Variants in PRKD1 observed in about 807,000 individuals in gnomAD.
PRKD1 encodes serine/threonine-protein kinase D1.
In PRKD1, 63 loss-of-function variants were observed where a neutral mutation model predicts 95.9. That is an observed-to-expected ratio of 0.66 (90% CI 0.54 to 0.81). PRKD1 has a LOEUF of 0.81. PRKD1 is among the 30% of genes least tolerant of loss of function. PRKD1 has a pLI of 0.00. For synonymous variants in PRKD1, 425 were observed against 423.1 expected, an observed-to-expected ratio of 1.00 and a Z score of -0.05; for missense variants, 1,048 against 1,165.3, an observed-to-expected ratio of 0.90 and a Z score of 1.47.
At chr14:29,719,172 A>G (rs1885767253) in intron 2 of PRKD1, among the ~76,000 whole-genome samples, 1 of 152,306 alleles carries the variant, frequency 6.6e-6, no homozygotes, top group East Asian at 1.9e-4. Context: ...TCTTAAATAT[A>G]GTGACCCTAA....
At position 29,596,032 on chromosome 14, in the gene PRKD1, C is replaced by T. The variant is rs75813715; in HGVS notation, c.2434+1459G>A. Among the ~76,000 whole-genome samples the T allele has an allele frequency of 4.8e-3, 731 of 152,292 alleles. 4 individuals carry two copies. The highest frequency in any genetic ancestry group is 0.016 in the African/African-American group (652 of 41,566). ...AAAATATTTAATTATTCCTTTGGCA[C>T]ACATGATAGCTCTTTTGTAGGCCAC... On this transcript the variant is annotated intron_variant, in intron 16 of 17. Coordinates refer to ENST00000331968, the MANE Select transcript of PRKD1 (RefSeq NM_002742.3).
At position 29,826,754 on chromosome 14, in the gene PRKD1, T is replaced by TAC. The variant is rs1484213868; in HGVS notation, c.264+100494_264+100495insGT. Reference sequence around the variant, plus strand: ...ATACACATATATATACACATATATATATACATATATATATACACATATATA... The same window carrying TAC: ...ATACACATATATATACACATATATATACATACATATATATATACACATATATA... On this transcript the variant is annotated intron_variant, in intron 1 of 17. Transcript: ENST00000331968. Among the ~76,000 whole-genome samples, 9 of 57,900 alleles carry TAC rather than the reference T, an allele frequency of 1.6e-4. 2 individuals are homozygous for TAC. The highest frequency in any genetic ancestry group is 4.4e-4 in the African/African-American group (7 of 15,834). 38.0% of individuals were successfully genotyped at this position (57,900 alleles called of 152,430 possible).
intron 1 of PRKD1, among the ~76,000 whole-genome samples, chr14:29,770,766 A>G (rs891005461): frequency 3.3e-5 from 5 of 152,088 alleles, no homozygotes; most frequent in African/African-American, 1.2e-4. Context: ...CAGGAGTTTA[A>G]GACCACCCTG....
intron 1 of PRKD1, among the ~76,000 whole-genome samples, chr14:29,804,094 T>C (rs1379949749): frequency 6.6e-6 from 1 of 151,894 alleles, no homozygotes; most frequent in Admixed American, 6.6e-5. Flanking sequence ...ATACAAAAAT[T>C]AGCCGGGCAT....
chr14:29,698,127 C>A (rs538742632), intron 2 of PRKD1, among the ~76,000 whole-genome samples: 86 of 152,264 alleles, frequency 5.6e-4, no homozygotes, highest in African/African-American at 2.0e-3. Flanking sequence ...GTTGTCTCCC[C>A]ATTTCAAAGA....
chr14:29,703,653 C>G (rs45620436), intron 2 of PRKD1, among the ~76,000 whole-genome samples: 1 of 152,058 alleles, frequency 6.6e-6, no homozygotes, highest in African/African-American at 2.4e-5. Flanking sequence ...ATAAGATTTA[C>G]GTGTATATCT....
At chr14:29,600,436 C>T (rs1302469945) in intron 13 of PRKD1, among the ~76,000 whole-genome samples, 4 of 152,088 alleles carry the variant, frequency 2.6e-5, no homozygotes, top group Non-Finnish European at 5.9e-5. Flanking sequence ...ATAGCTAATC[C>T]TTGAGAAACA....
intron 2 of PRKD1, among the ~76,000 whole-genome samples, chr14:29,701,495 A>T (rs1476694841): frequency 2.6e-5 from 4 of 152,206 alleles, no homozygotes; most frequent in Non-Finnish European, 4.4e-5. Flanking sequence ...TTCACAACGA[A>T]TATCTTTTCC....
Position 29,663,708 on chromosome 14 carries a change from C to G in PRKD1, c.687G>C (p.Glu229Asp), listed in dbSNP as rs763449454. The change falls in exon 4 of 18, where the codon GAG becomes GAC. Residue 229 changes from glutamate (E) to aspartate (D), a missense_variant. Glu to Asp is a conservative substitution (Grantham distance 45, BLOSUM62 2). Around this residue, in one of 3 missense-constraint regions of PRKD1, gnomAD observed 739 missense variants for 861.9 expected, o/e 0.86. Transcript: ENST00000331968. ...AAACAGGAAGCCATACCAGAAGGGG[C>G]TCATCAGGGGCACTTGTAGAGAGTT... ...SAELSTSAPD[E>D]PLLQKSPSES... 3 of 1,613,546 alleles carry G rather than the reference C, an allele frequency of 1.9e-6. No individual in the cohort carries two copies. Among genetic ancestry groups the G allele is most frequent in the South Asian group, 2.2e-5 (2 of 91,022 alleles).
intron 16 of PRKD1, 88 bp from the exon 17 acceptor site, chr14:29,578,448 A>T: frequency 3.1e-6 from 3 of 957,018 alleles, no homozygotes; most frequent in Non-Finnish European, 4.6e-6. Context: ...GCTATTTCAC[A>T]CAGTTAAATG....
chr14:29,834,184 A>C (rs934954051), intron 1 of PRKD1, among the ~76,000 whole-genome samples: 2 of 152,196 alleles, frequency 1.3e-5, no homozygotes, highest in Admixed American at 1.3e-4. Flanking sequence ...GAGTTTTATC[A>C]AACTGTCTCT....
intron 1 of PRKD1, among the ~76,000 whole-genome samples, chr14:29,774,277 T>A (rs1291531392): frequency 6.6e-6 from 1 of 152,172 alleles, no homozygotes; most frequent in Non-Finnish European, 1.5e-5. Context: ...AAGGTTATAT[T>A]TAAGAAATAA....
chr14:29,835,474 C>T (rs1160312455), intron 1 of PRKD1, among the ~76,000 whole-genome samples: 4 of 152,176 alleles, frequency 2.6e-5, no homozygotes, highest in Admixed American at 6.5e-5. Context: ...TCCTTCTCAT[C>T]GAAAGATTCC....
chr14:29,926,576 G>A (rs570208867), intron 1 of PRKD1, among the ~76,000 whole-genome samples: 1 of 152,252 alleles, frequency 6.6e-6, no homozygotes, highest in East Asian at 1.9e-4. Context: ...CAGCCTCGGG[G>A]TGTTCCTGGA....
At position 29,797,274 on chromosome 14, in the gene PRKD1, T is replaced by C. The variant is rs45538741; in HGVS notation, c.265-71600A>G. Among the ~76,000 whole-genome samples, 556 of 152,312 alleles carry C rather than the reference T, an allele frequency of 3.7e-3. 12 individuals carry two copies. The highest frequency in any genetic ancestry group is 0.033 in the Admixed American group (507 of 15,298). The stretch of plus-strand genomic sequence containing the variant: ...ATGGTCTTTTAGGAGGATATCAGTA[T>C]GCCTTGTAAACAAATTGTTTGTAAG... On this transcript the variant is annotated intron_variant, in intron 1 of 17. Transcript: ENST00000331968.
At chr14:29,587,980 G>A (rs1289600738) in intron 16 of PRKD1, among the ~76,000 whole-genome samples, 1 of 152,094 alleles carries the variant, frequency 6.6e-6, no homozygotes, top group Non-Finnish European at 1.5e-5. Context: ...GCAGTTCACT[G>A]GCTAGTCTCC....
chr14:29,883,093 G>A, intron 1 of PRKD1, among the ~76,000 whole-genome samples: 1 of 152,208 alleles, frequency 6.6e-6, no homozygotes, highest in East Asian at 1.9e-4. Flanking sequence ...ATGGTGGAAG[G>A]TGAGGCAGGA....
At chr14:29,885,109 C>G (rs1190757941) in intron 1 of PRKD1, among the ~76,000 whole-genome samples, 2 of 136,982 alleles carry the variant, frequency 1.5e-5, no homozygotes, top group South Asian at 2.3e-4. Flanking sequence ...GGCAACAGAG[C>G]GAGACTCCAT....
At position 29,577,073 on chromosome 14, in the gene PRKD1, C is replaced by T; in HGVS notation, c.*165G>A. ...TTGGTCACACAAAATACAAATGCTT[C>T]TGTTGATTTGTCTTGGCAACTCAGA... On this transcript the variant is annotated 3_prime_UTR_variant, in exon 18 of 18. Coordinates refer to ENST00000331968, the MANE Select transcript of PRKD1 (RefSeq NM_002742.3). 2 of 712,802 alleles carry T rather than the reference C, an allele frequency of 2.8e-6. No homozygotes were observed. The highest frequency in any genetic ancestry group is 4.6e-6 in the Non-Finnish European group (2 of 435,870). The allele number at this position is 712,802 out of a possible 1,614,324, so 44.2% of individuals were successfully genotyped here.
Sources: allele counts gnomAD v4.1 joint callset (sites outside exome capture counted in the v4.1 genomes callset), GRCh38; gene constraint gnomAD v4.1.1; regional missense constraint gnomAD v4.1.1; transcripts MANE v1.5; gene names NCBI Gene and HGNC (gene_info 2026-07-23, HGNC 2026-07-21).